Variants in ZNF536 observed in about 807,000 individuals in gnomAD.
The protein encoded by ZNF536 is zinc finger protein 536.
ZNF536 carries 13 observed loss-of-function variants against 84.5 expected under a neutral mutation model. That is an observed-to-expected ratio of 0.15 (90% CI 0.10 to 0.24). ZNF536 has a LOEUF of 0.24. Among genes scored for constraint, ZNF536 ranks in the 10% least tolerant of loss-of-function variants. The pLI, the probability that ZNF536 is intolerant of heterozygous loss-of-function variation, is 1.00. For synonymous variants in ZNF536, 811 were observed against 742.5 expected (o/e 1.09, Z -1.50); for missense variants, 1,536 against 1,747.5 (o/e 0.88, Z 2.16).
At chr19:30,464,825 C>G (rs1242856226) in intron 2 of ZNF536, among the ~76,000 whole-genome samples, 1 of 152,008 alleles carries the variant, frequency 6.6e-6, no homozygotes, top group African/African-American at 2.4e-5. Flanking sequence ...GGGGCTCCTC[C>G]TCCTGCCCGA....
intron 1 of ZNF536, among the ~76,000 whole-genome samples, chr19:30,255,021 G>A (rs1462117808): frequency 1.3e-5 from 2 of 152,184 alleles, no homozygotes; most frequent in Admixed American, 6.5e-5. Flanking sequence ...TGTCTTATGT[G>A]AAATGAGTTT....
chr19:30,396,408 T>G (rs1024282546), intron 1 of ZNF536, among the ~76,000 whole-genome samples: 1 of 152,242 alleles, frequency 6.6e-6, no homozygotes, highest in Admixed American at 6.5e-5. Context: ...TGGGGTTTAC[T>G]TTTGCTTTTG....
chr19:30,709,297 C>T (rs1390395839), intron 1 of ZNF536, among the ~76,000 whole-genome samples: 1 of 152,156 alleles, frequency 6.6e-6, no homozygotes, highest in African/African-American at 2.4e-5. Context: ...ATTACCTGTT[C>T]ATCTTTCTCC....
At chr19:30,261,069 C>T (rs1381069935) in intron 1 of ZNF536, among the ~76,000 whole-genome samples, 33 of 151,918 alleles carry the variant, frequency 2.2e-4, no homozygotes, top group Admixed American at 2.0e-3. Context: ...GAGGCCGAGG[C>T]GGGCGGATCA....
chr19:30,684,757 T>G (rs2051105885), intron 1 of ZNF536, among the ~76,000 whole-genome samples: 1 of 152,184 alleles, frequency 6.6e-6, no homozygotes, highest in Non-Finnish European at 1.5e-5. Context: ...GAGGGGGCTG[T>G]TGCTTCACAG....
intron 1 of ZNF536, among the ~76,000 whole-genome samples, chr19:30,670,693 C>T (rs928841073): frequency 6.6e-6 from 1 of 152,204 alleles, no homozygotes; most frequent in Non-Finnish European, 1.5e-5. Flanking sequence ...GAGACAGAGG[C>T]CTTCCTTCCC....
chr19:30,540,739 G>A (rs1322083615), intron 3 of ZNF536, among the ~76,000 whole-genome samples: 1 of 152,224 alleles, frequency 6.6e-6, no homozygotes, highest in Non-Finnish European at 1.5e-5. Flanking sequence ...TGAATTTCTG[G>A]CTTGTTTTAG....
At chr19:30,351,122 A>G (rs1051772674) in intron 2 of ZNF536, among the ~76,000 whole-genome samples, 1 of 152,326 alleles carries the variant, frequency 6.6e-6, no homozygotes, top group African/African-American at 2.4e-5. Flanking sequence ...GAGGTATGAC[A>G]TTTCTGCCAA....
chr19:30,255,195 C>G (rs574711184), intron 1 of ZNF536, among the ~76,000 whole-genome samples: 4 of 151,870 alleles, frequency 2.6e-5, no homozygotes, highest in Admixed American at 2.0e-4. Context: ...GAGGATGGCT[C>G]TCGTTTGTGG....
intron 1 of ZNF536, among the ~76,000 whole-genome samples, chr19:30,229,598 G>T (rs529648725): frequency 2.6e-5 from 4 of 152,252 alleles, no homozygotes; most frequent in African/African-American, 9.6e-5. Flanking sequence ...TCAGTCCAGG[G>T]AGTCGCAGGG....
chr19:30,670,794 T>A (rs2050519858), intron 1 of ZNF536, among the ~76,000 whole-genome samples: 1 of 152,180 alleles, frequency 6.6e-6, no homozygotes. Context: ...CCCGGGTCCA[T>A]CCCTTCAGCC....
At chr19:30,319,224 G>A (rs1194048578) in intron 2 of ZNF536, among the ~76,000 whole-genome samples, 2 of 152,182 alleles carry the variant, frequency 1.3e-5, no homozygotes, top group Non-Finnish European at 2.9e-5. Flanking sequence ...GGGGACACCC[G>A]GAGGCACCCT....
chr19:30,240,953 A>G (rs2023899539), intron 1 of ZNF536, among the ~76,000 whole-genome samples: 1 of 152,226 alleles, frequency 6.6e-6, no homozygotes, highest in African/African-American at 2.4e-5. Flanking sequence ...TGGGGACATA[A>G]CAGTGAACAA....
intron 1 of ZNF536, among the ~76,000 whole-genome samples, chr19:30,639,759 C>T (rs2049196661): frequency 6.6e-6 from 1 of 152,112 alleles, no homozygotes; most frequent in Non-Finnish European, 1.5e-5. Context: ...CTTCTTGGTC[C>T]CTTGGACTAC....
chr19:30,463,042 G>A (rs534571358), intron 2 of ZNF536, among the ~76,000 whole-genome samples: 4 of 141,306 alleles, frequency 2.8e-5, no homozygotes, highest in South Asian at 2.4e-4. Flanking sequence ...GTATCCGTAC[G>A]CATTTGCCTG....
intron 1 of ZNF536, among the ~76,000 whole-genome samples, chr19:30,685,115 G>T (rs892566761): frequency 6.6e-6 from 1 of 152,154 alleles, no homozygotes; most frequent in African/African-American, 2.4e-5. Context: ...TTGTGTTGGT[G>T]GGGGGAGGGG....
At chr19:30,266,936 C>A (rs572020195) in intron 1 of ZNF536, among the ~76,000 whole-genome samples, 1 of 152,080 alleles carries the variant, frequency 6.6e-6, no homozygotes, top group Non-Finnish European at 1.5e-5. Context: ...CAACGGAATC[C>A]GTTATAGAGG....
intron 1 of ZNF536, among the ~76,000 whole-genome samples, chr19:30,564,410 TAA>T (rs2046279077): frequency 6.7e-6 from 1 of 148,808 alleles, no homozygotes; most frequent in Admixed American, 6.7e-5. Flanking sequence ...AAGAAATGGG[TAA>T]AGAGGAGAGA....
At chr19:30,708,396 G>A (rs2052333947) in intron 1 of ZNF536, among the ~76,000 whole-genome samples, 1 of 152,240 alleles carries the variant, frequency 6.6e-6, no homozygotes, top group South Asian at 2.1e-4. Context: ...CTGTAGCGTG[G>A]AATGGAAGGG....
Sources: allele counts gnomAD v4.1 joint callset (sites outside exome capture counted in the v4.1 genomes callset), GRCh38; gene constraint gnomAD v4.1.1; transcripts MANE v1.5; gene names NCBI Gene and HGNC (gene_info 2026-07-23, HGNC 2026-07-21).